The following KLHDC4 variants were observed in gnomAD, a reference collection of about 807,000 sequenced individuals.
KLHDC4 encodes kelch domain-containing protein 4.
A neutral mutation model predicts 62.4 loss-of-function variants in KLHDC4; 90 were observed. That is an observed-to-expected ratio of 1.44 (90% CI 1.22 to 1.72). The LOEUF (loss-of-function observed/expected upper bound fraction) is 1.72. Among genes scored for constraint, KLHDC4 ranks in the 40% most tolerant of loss-of-function variants. KLHDC4 has a pLI of 0.00. For synonymous variants in KLHDC4, 386 were observed against 284.4 expected (o/e 1.36, Z -3.59); for missense variants, 1,025 against 699.7 (o/e 1.47, Z -5.25).
rs867724471 is a variant in KLHDC4 at position 87,756,406 on chromosome 16, C to A, written c.263G>T (p.Gly88Val). 2.5e-6 allele frequency: 4 copies of A among 1,610,174 alleles called. No individual in the cohort carries two copies. The highest frequency in any genetic ancestry group is 3.4e-6 in the Non-Finnish European group (4 of 1,176,514). Residue 88 changes from glycine (G) to valine (V), a missense_variant, in exon 3 of 12, where the codon GGC becomes GTC. Gly to Val is a moderately radical substitution (Grantham distance 109, BLOSUM62 -3). Coordinates refer to ENST00000270583, the MANE Select transcript of KLHDC4 (RefSeq NM_017566.4). ...LILFGGEYFN[G>V]QKTFLYNELY... ...AAAAAATATATACTTTACTTTTTGG[C>A]CGTTGAAATATTCACCTCCAAAAAG... is the stretch of plus-strand genomic sequence containing the variant.
At chr16:87,716,197 G>A (rs112351721) in intron 7 of KLHDC4, among the ~76,000 whole-genome samples, 3 of 147,364 alleles carry the variant, frequency 2.0e-5, no homozygotes, top group Admixed American at 6.8e-5. Context: ...TTGGGTACAC[G>A]CTATGGTCTT....
At chr16:87,735,126 C>A (rs952182952) in intron 5 of KLHDC4, among the ~76,000 whole-genome samples, 1 of 151,512 alleles carries the variant, frequency 6.6e-6, no homozygotes, top group Non-Finnish European at 1.5e-5. Context: ...GCTGAAACCC[C>A]GTCTCTACTA....
chr16:87,709,143 C>G, intron 10 of KLHDC4, 122 bp downstream of exon 10: 1 of 1,260,836 alleles, frequency 7.9e-7, no homozygotes, highest in Non-Finnish European at 1.1e-6. Context: ...GGCAGGAGCA[C>G]AGGCGAGAAG....
Position 87,741,491 on chromosome 16 carries a change from G to C in KLHDC4, c.506+7182C>G, listed in dbSNP as rs565434730. On this transcript the variant is annotated intron_variant, in intron 5 of 11. Transcript: ENST00000270583. ...ATCCAGGTTGCGGAATCTAGGTTGT[G>C]AGCTCCTTAGGACAATCTAATGCCT... is the stretch of plus-strand genomic sequence containing the variant. Among the ~76,000 whole-genome samples, 13 of 152,306 alleles carry C rather than the reference G, an allele frequency of 8.5e-5. No individual in the cohort carries two copies. In the South Asian group the frequency reaches 2.7e-3, roughly 32 times the overall value.
At position 87,709,536 on chromosome 16, in the gene KLHDC4, A is replaced by C. The variant is rs373033633; in HGVS notation, c.1176T>G (p.Asp392Glu). ...CCTGCTTAATGGTGACCACGGTGCC[A>C]TCCTCGGCCACCACCTCCTTGACCA... ...VQLVKEVVAE[D>E]GTVVTIKQVL... Residue 392 changes from aspartate to glutamate, a missense_variant, in exon 10 of 12, where the codon GAT becomes GAG. By Grantham distance (45) the Asp-to-Glu change is conservative. Transcript: ENST00000270583. 6 of 1,612,318 alleles carry C rather than the reference A, an allele frequency of 3.7e-6. No individual in the cohort carries two copies. The highest frequency in any genetic ancestry group is 1.3e-5 in the African/African-American group (1 of 74,892).
chr16:87,764,988 C>T (rs1013383985), intron 1 of KLHDC4: 16 of 382,806 alleles, frequency 4.2e-5, no homozygotes, highest in African/African-American at 2.7e-4. Flanking sequence ...CATCTGGTCA[C>T]ATCCCAGTTC....
chr16:87,754,469 C>A (rs767166744), intron 4 of KLHDC4, among the ~76,000 whole-genome samples: 1 of 152,274 alleles, frequency 6.6e-6, no homozygotes, highest in African/African-American at 2.4e-5. Flanking sequence ...CCTCACCAAA[C>A]CAACTTCATT....
At chr16:87,741,700 G>C (rs538873730) in intron 5 of KLHDC4, among the ~76,000 whole-genome samples, 1 of 152,250 alleles carries the variant, frequency 6.6e-6, no homozygotes, top group South Asian at 2.1e-4. Flanking sequence ...AAAATGACCA[G>C]ATAACAGGAG....
downstream of KLHDC4, among the ~76,000 whole-genome samples, chr16:87,706,370 T>TG (rs984872090): frequency 1.0e-4 from 5 of 48,892 alleles, no homozygotes; most frequent in East Asian, 7.8e-4. Context: ...CTGCAGCCCT[T>TG]GGGGGGGTCG....
At chr16:87,759,859 G>A (rs2045593851) in intron 2 of KLHDC4, among the ~76,000 whole-genome samples, 1 of 152,124 alleles carries the variant, frequency 6.6e-6, no homozygotes, top group Non-Finnish European at 1.5e-5. Flanking sequence ...ATCTACACGG[G>A]GCCCAAACTG....
intron 4 of KLHDC4, among the ~76,000 whole-genome samples, chr16:87,753,846 A>G (rs7192426): frequency 0.26 from 39,037 of 150,098 alleles, 5,428 homozygotes; most frequent in South Asian, 0.46. Context: ...GGTGGCGGGT[A>G]CCTGTAATCC....
intron 7 of KLHDC4, among the ~76,000 whole-genome samples, chr16:87,723,056 G>C (rs1450405750): frequency 6.6e-6 from 1 of 152,226 alleles, no homozygotes; most frequent in Non-Finnish European, 1.5e-5. Flanking sequence ...AGAGCATGGC[G>C]GGTGAGGGTG....
At chr16:87,723,015 G>A (rs1257660446) in intron 7 of KLHDC4, among the ~76,000 whole-genome samples, 1 of 152,236 alleles carries the variant, frequency 6.6e-6, no homozygotes, top group African/African-American at 2.4e-5. Context: ...CCGCGCAGCA[G>A]CACAGCACAG....
intron 1 of KLHDC4, chr16:87,763,495 C>T (rs56002830): frequency 0.25 from 37,524 of 151,988 alleles, 4,699 homozygotes; most frequent in East Asian, 0.4. Flanking sequence ...TCCCAAACTA[C>T]TCGGGAGGCT....
chr16:87,720,309 G>T (rs1468336461), intron 7 of KLHDC4, among the ~76,000 whole-genome samples: 1 of 152,204 alleles, frequency 6.6e-6, no homozygotes, highest in Non-Finnish European at 1.5e-5. Context: ...ATCACAATCA[G>T]GCAGGGATAG....
At chr16:87,758,384 T>G (rs1407809157) in intron 2 of KLHDC4, among the ~76,000 whole-genome samples, 1 of 152,002 alleles carries the variant, frequency 6.6e-6, no homozygotes, top group Non-Finnish European at 1.5e-5. Flanking sequence ...TAAGAAGAAA[T>G]AAAGTTCTCA....
At chr16:87,733,500 G>C (rs911066487) in intron 5 of KLHDC4, among the ~76,000 whole-genome samples, 1 of 152,212 alleles carries the variant, frequency 6.6e-6, no homozygotes, top group African/African-American at 2.4e-5. Context: ...GAATCTCCTA[G>C]AGCCGCAGGC....
chr16:87,728,281 C>T (rs1238315646), intron 6 of KLHDC4, among the ~76,000 whole-genome samples: 4 of 152,196 alleles, frequency 2.6e-5, no homozygotes, highest in Admixed American at 2.6e-4. Context: ...TAGATAGAAT[C>T]TGAGGAATGT....
At chr16:87,714,424 T>G in intron 8 of KLHDC4, 74 bp downstream of exon 8, 1 of 1,330,064 alleles carries the variant, frequency 7.5e-7, no homozygotes, top group South Asian at 1.2e-5. Context: ...CCCACATCCA[T>G]GGGAGGGTGT....
Sources: gnomAD v4.1 joint callset for allele counts (sites outside exome capture counted in the v4.1 genomes callset) on GRCh38, gnomAD v4.1.1 for gene constraint, MANE v1.5 for transcripts, NCBI Gene and HGNC (gene_info 2026-07-23, HGNC 2026-07-21) for gene names.